The following PLCL1 variants were observed in gnomAD, a reference collection of about 807,000 sequenced individuals.
PLCL1 encodes the protein inactive phospholipase C-like protein 1.
PLCL1 carries 41 observed loss-of-function variants against 84.4 expected under a neutral mutation model. The ratio of observed to expected loss-of-function variants is 0.49; its 90% CI spans 0.38 to 0.63. The LOEUF (loss-of-function observed/expected upper bound fraction) is 0.63. Among genes scored for constraint, PLCL1 ranks in the 30% least tolerant of loss-of-function variants. The pLI is 0.00. For synonymous variants in PLCL1, 490 were observed against 488.3 expected (o/e 1.00, Z -0.05); for missense variants, 1,206 against 1,367.8 (o/e 0.88, Z 1.87).
At chr2:198,114,802 T>TGTGC (rs933517317) in intron 5 of PLCL1, among the ~76,000 whole-genome samples, 3 of 151,568 alleles carry the variant, frequency 2.0e-5, no homozygotes, top group Non-Finnish European at 4.4e-5. Context: ...TGAATGTGTG[T>TGTGC]GTGTGTGTGC....
In PLCL1 at chr2:198,085,193, A is replaced by G; in HGVS notation, c.1676A>G (p.Asp559Gly). Residue 559 changes from aspartate (D) to glycine (G), a missense_variant, in exon 2 of 6, where the codon GAT (aspartate) becomes GGT (glycine). Physicochemically the swap from Asp to Gly is moderately conservative, Grantham distance 94. Transcript: ENST00000428675. The surrounding 1 kb of genome is among the most constrained non-coding windows in gnomAD (Gnocchi z 5.3). ...TTAGAAGGAGAAGTAACAGATGAAG[A>G]TGAAGAAGCTGAAATGTCTCGAAGG... ...DVLEGEVTDE[D>G]EEAEMSRRMS... 6.2e-7 allele frequency: 1 copy of G among 1,613,958 alleles called. No individual in the cohort carries two copies. Among genetic ancestry groups the G allele is most frequent in the Non-Finnish European group, 8.5e-7 (1 of 1,179,930 alleles).
At chr2:197,929,673 C>G (rs1688896807) in intron 1 of PLCL1, among the ~76,000 whole-genome samples, 1 of 152,104 alleles carries the variant, frequency 6.6e-6, no homozygotes, top group African/African-American at 2.4e-5. Context: ...GAACAGAGTA[C>G]TGGACAGCTT....
At chr2:198,087,478 G>A (rs1201417079) in intron 2 of PLCL1, among the ~76,000 whole-genome samples, 2 of 152,002 alleles carry the variant, frequency 1.3e-5, no homozygotes, top group Non-Finnish European at 2.9e-5. Flanking sequence ...TATTTCTTTA[G>A]CTGATGTGTT....
chr2:197,935,811 A>G (rs1689041591), intron 1 of PLCL1, among the ~76,000 whole-genome samples: 1 of 152,164 alleles, frequency 6.6e-6, no homozygotes, highest in Admixed American at 6.5e-5. Context: ...ACCATATGTT[A>G]TTACAGACCA....
intron 1 of PLCL1, among the ~76,000 whole-genome samples, chr2:197,985,379 T>C (rs1274474521): frequency 6.6e-6 from 1 of 152,168 alleles, no homozygotes; most frequent in Non-Finnish European, 1.5e-5. Context: ...GGCAGTAGGC[T>C]GAATTACATT....
chr2:197,969,502 C>A (rs1689817655), intron 1 of PLCL1, among the ~76,000 whole-genome samples: 1 of 152,198 alleles, frequency 6.6e-6, no homozygotes. Flanking sequence ...CTCCCTAAGC[C>A]TTTTATCTCT....
intron 1 of PLCL1, among the ~76,000 whole-genome samples, chr2:198,060,020 C>G (rs1574281315): frequency 1.3e-5 from 2 of 152,084 alleles, no homozygotes; most frequent in Admixed American, 1.3e-4. Context: ...TGGGATGTCC[C>G]CTCCCTGTGT....
chr2:198,071,110 ACACAC>A (rs1692453615), intron 1 of PLCL1: 1 of 165,794 alleles, frequency 6.0e-6, no homozygotes, highest in East Asian at 1.9e-4. Context: ...ACACACACAC[ACACAC>A]ACACACACAC....
At chr2:197,864,296 C>T (rs1687486756) in intron 1 of PLCL1, among the ~76,000 whole-genome samples, 1 of 151,246 alleles carries the variant, frequency 6.6e-6, no homozygotes, top group Admixed American at 6.6e-5. Context: ...ATTTGAGCAT[C>T]ATGGTAACAG....
chr2:198,047,414 T>A (rs1691833189), intron 1 of PLCL1, among the ~76,000 whole-genome samples: 1 of 152,096 alleles, frequency 6.6e-6, no homozygotes, highest in East Asian at 1.9e-4. Context: ...AATCTCTTGA[T>A]CTTGTGACCC....
At chr2:198,016,296 G>T (rs542364677) in intron 1 of PLCL1, among the ~76,000 whole-genome samples, 1 of 152,152 alleles carries the variant, frequency 6.6e-6, no homozygotes, top group Non-Finnish European at 1.5e-5. Flanking sequence ...GTTACTTGTC[G>T]TGCTCACAGA....
intron 1 of PLCL1, among the ~76,000 whole-genome samples, chr2:198,011,610 A>C (rs953542260): frequency 6.6e-6 from 1 of 152,138 alleles, no homozygotes; most frequent in East Asian, 1.9e-4. Flanking sequence ...GTATATATAT[A>C]TCTGTAGACC....
At chr2:197,919,780 T>C (rs1263957057) in intron 1 of PLCL1, among the ~76,000 whole-genome samples, 4 of 152,226 alleles carry the variant, frequency 2.6e-5, no homozygotes, top group Admixed American at 6.5e-5. Flanking sequence ...GTATGCCTGA[T>C]TCTCTGAGTG....
chr2:197,901,526 C>A (rs1157688517), intron 1 of PLCL1, among the ~76,000 whole-genome samples: 1 of 151,918 alleles, frequency 6.6e-6, no homozygotes, highest in Admixed American at 6.6e-5. Context: ...GCATAGAGAT[C>A]GAATATTATG....
chr2:198,030,347 G>A (rs1691381259), intron 1 of PLCL1, among the ~76,000 whole-genome samples: 1 of 152,068 alleles, frequency 6.6e-6, no homozygotes, highest in East Asian at 1.9e-4. Context: ...GTTGAGCAGG[G>A]GGTGGGTAAC....
intron 1 of PLCL1, among the ~76,000 whole-genome samples, chr2:197,997,525 TC>T (rs550149849): frequency 6.4e-4 from 98 of 152,270 alleles, no homozygotes; most frequent in African/African-American, 2.2e-3. Flanking sequence ...ATCGAGCTGG[TC>T]CCCACAATTC....
intron 1 of PLCL1, among the ~76,000 whole-genome samples, chr2:197,846,417 A>G (rs995493803): frequency 6.6e-6 from 1 of 152,160 alleles, no homozygotes; most frequent in Non-Finnish European, 1.5e-5. Context: ...TGGTAGTACG[A>G]GAGAAGCAAA....
intron 1 of PLCL1, among the ~76,000 whole-genome samples, chr2:197,832,950 C>T (rs1691100568): frequency 6.6e-6 from 1 of 152,188 alleles, no homozygotes; most frequent in Admixed American, 6.5e-5. Flanking sequence ...TAAAATTTGG[C>T]CAGGTGCGGT....
chr2:198,085,474 A>C lies in PLCL1; in HGVS notation c.1957A>C (p.Asn653His). The change falls in exon 2 of 6, where the codon AAC (asparagine) becomes CAC (histidine). Residue 653 changes from asparagine to histidine, a missense_variant. Asn to His is a moderately conservative substitution (Grantham distance 68, BLOSUM62 1). Transcript: ENST00000428675. This position sits in a 1 kb window ranked among gnomAD's most constrained non-coding sequence, Gnocchi z 5.3. ...AAGTGCCATGAGGATCGATTCCAGT[A>C]ACTTGAATCCACAGGACTTTTGGAA... ...YPSAMRIDSS[N>H]LNPQDFWNCG... The C allele has an allele frequency of 6.2e-7, 1 of 1,614,016 alleles. No individual in the cohort carries two copies. The highest frequency in any genetic ancestry group is 8.5e-7 in the Non-Finnish European group (1 of 1,179,860).
Sources: allele counts gnomAD v4.1 joint callset (sites outside exome capture counted in the v4.1 genomes callset), GRCh38; gene constraint gnomAD v4.1.1; non-coding constraint Gnocchi (gnomAD v3.1); transcripts MANE v1.5; gene names NCBI Gene and HGNC (gene_info 2026-07-23, HGNC 2026-07-21).